Variants in POLR3B observed in about 807,000 individuals in gnomAD.
POLR3B encodes DNA-directed RNA polymerase III subunit RPC2.
In POLR3B, 96 loss-of-function variants were observed where a neutral mutation model predicts 147.4. The observed-to-expected ratio is 0.65, with a 90% CI of 0.55 to 0.77. The LOEUF is 0.77. POLR3B is among the 30% of genes least tolerant of loss of function. The pLI is 0.00. For synonymous variants in POLR3B, 461 were observed against 485.9 expected (o/e 0.95, Z 0.67); for missense variants, 1,036 against 1,413.5 (o/e 0.73, Z 4.28).
At chr12:106,375,664 A>G (rs1240375808) in intron 6 of POLR3B, among the ~76,000 whole-genome samples, 1 of 151,994 alleles carries the variant, frequency 6.6e-6, no homozygotes, top group Non-Finnish European at 1.5e-5. Flanking sequence ...TTTCTAGTAC[A>G]TTTTGCTCAG....
chr12:106,396,302 C>A (rs759988666), intron 10 of POLR3B, among the ~76,000 whole-genome samples: 13 of 152,214 alleles, frequency 8.5e-5, no homozygotes, highest in Non-Finnish European at 1.5e-4. Context: ...TTCCTGCCAA[C>A]TGACCTGCTT....
intron 10 of POLR3B, among the ~76,000 whole-genome samples, chr12:106,399,018 CACG>C (rs2037021407): frequency 6.6e-6 from 1 of 151,988 alleles, no homozygotes; most frequent in Non-Finnish European, 1.5e-5. Context: ...GAAGGCTTCA[CACG>C]ATCAAACTAC....
chr12:106,437,634 C>A, intron 17 of POLR3B, 47 bp from the exon 18 acceptor site: 2 of 1,062,190 alleles, frequency 1.9e-6, no homozygotes, highest in Non-Finnish European at 2.9e-6. Flanking sequence ...TAAAATACTG[C>A]AGAAAAATGC....
chr12:106,480,000 GT>G (rs36096330), intron 23 of POLR3B, among the ~76,000 whole-genome samples: 97 of 144,998 alleles, frequency 6.7e-4, no homozygotes, highest in African/African-American at 1.6e-3. Context: ...TTGTTTTTGG[GT>G]TTTTTTTTTG....
chr12:106,431,009 T>C (rs2037503142), intron 14 of POLR3B, among the ~76,000 whole-genome samples: 1 of 152,226 alleles, frequency 6.6e-6, no homozygotes, highest in Non-Finnish European at 1.5e-5. Context: ...CGGTCCTTTC[T>C]CCTTTGTGTT....
At chr12:106,446,414 CCACA>C in intron 19 of POLR3B, 1 of 171,020 alleles carries the variant, frequency 5.8e-6, no homozygotes, top group Non-Finnish European at 1.1e-5. Context: ...ACTCCTCTCC[CCACA>C]AAAAAAAAAA....
chr12:106,410,978 G>T lies in POLR3B; in HGVS notation c.1101+18G>T. 1 of 1,605,696 alleles carries T rather than the reference G, an allele frequency of 6.2e-7. No homozygotes were observed. Among genetic ancestry groups the T allele is most frequent in the Non-Finnish European group, 8.5e-7 (1 of 1,172,942 alleles). On this transcript the variant is annotated intron_variant, in intron 12 of 27. Transcript: ENST00000228347. ...CAGGACAGGTGATTTAATATTTTAT[G>T]TCAGAAATCTTGTTTTCCTTAATGA...
intron 8 of POLR3B, among the ~76,000 whole-genome samples, chr12:106,378,867 A>G (rs993387842): frequency 2.6e-5 from 4 of 152,170 alleles, no homozygotes; most frequent in African/African-American, 9.7e-5. Context: ...TTTTTACTAC[A>G]GTCTCCCTTT....
chr12:106,471,324 C>CA (rs1267471349), intron 23 of POLR3B, among the ~76,000 whole-genome samples: 1 of 152,186 alleles, frequency 6.6e-6, no homozygotes, highest in Non-Finnish European at 1.5e-5. Flanking sequence ...ATGGGGAAAG[C>CA]ACAGTATTTG....
chr12:106,483,890 C>G (rs2038303746), intron 23 of POLR3B, among the ~76,000 whole-genome samples: 1 of 152,206 alleles, frequency 6.6e-6, no homozygotes, highest in African/African-American at 2.4e-5. Context: ...AAAGAAAGCC[C>G]TCGGATTGAC....
chr12:106,483,430 C>G (rs980671713), intron 23 of POLR3B, among the ~76,000 whole-genome samples: 2 of 152,150 alleles, frequency 1.3e-5, no homozygotes, highest in African/African-American at 2.4e-5. Flanking sequence ...AATCCCTTGA[C>G]TAATGCCCAT....
At chr12:106,503,104 T>C (rs961879799) in intron 26 of POLR3B, among the ~76,000 whole-genome samples, 1 of 152,210 alleles carries the variant, frequency 6.6e-6, no homozygotes, top group African/African-American at 2.4e-5. Flanking sequence ...TTTGTGTTTC[T>C]ACCGGCAGAT....
intron 23 of POLR3B, among the ~76,000 whole-genome samples, chr12:106,482,585 G>C (rs1213036635): frequency 1.3e-5 from 2 of 152,090 alleles, no homozygotes; most frequent in Admixed American, 6.5e-5. Context: ...GAACAGCGAG[G>C]GGGGAATCCA....
intron 25 of POLR3B, among the ~76,000 whole-genome samples, chr12:106,499,261 G>A (rs1283795939): frequency 6.6e-6 from 1 of 152,122 alleles, no homozygotes; most frequent in Non-Finnish European, 1.5e-5. Flanking sequence ...ACCAGAAAGT[G>A]CAAAACCATA....
intron 21 of POLR3B, among the ~76,000 whole-genome samples, chr12:106,458,484 T>A (rs1328982446): frequency 6.6e-6 from 1 of 152,162 alleles, no homozygotes; most frequent in Non-Finnish European, 1.5e-5. Flanking sequence ...TCATTCTGAC[T>A]ACAGTGTAGA....
chr12:106,461,858 A>G (rs1390852733), intron 22 of POLR3B, among the ~76,000 whole-genome samples: 11 of 151,982 alleles, frequency 7.2e-5, no homozygotes, highest in Non-Finnish European at 1.6e-4. Flanking sequence ...CTTGAACCTC[A>G]TCTGGACAAG....
intron 27 of POLR3B, among the ~76,000 whole-genome samples, chr12:106,507,460 G>A (rs182684954): frequency 4.6e-5 from 7 of 152,238 alleles, no homozygotes; most frequent in African/African-American, 1.7e-4. Context: ...TACTAGTCAG[G>A]AGAAGAAGCG....
At chr12:106,361,599 G>C (rs1384955088) in intron 1 of POLR3B, among the ~76,000 whole-genome samples, 1 of 152,180 alleles carries the variant, frequency 6.6e-6, no homozygotes, top group Non-Finnish European at 1.5e-5. Context: ...TGTGGTAACA[G>C]GATAGACAGG....
intron 23 of POLR3B, 182 bp from the exon 24 acceptor site, chr12:106,495,873 C>CGT: frequency 1.7e-5 from 12 of 695,428 alleles, no homozygotes; most frequent in Admixed American, 6.0e-5. Context: ...CAAGGAGAGT[C>CGT]GTTTTTGAAC....
Sources: allele counts gnomAD v4.1 joint callset (sites outside exome capture counted in the v4.1 genomes callset), GRCh38; gene constraint gnomAD v4.1.1; transcripts MANE v1.5; gene names NCBI Gene and HGNC (gene_info 2026-07-23, HGNC 2026-07-21).